Variants in CSMD2 observed in about 807,000 individuals in gnomAD.
CSMD2 encodes CUB and Sushi multiple domains 2, also known as CUB and sushi domain-containing protein 2.
A neutral mutation model predicts 398.5 loss-of-function variants in CSMD2; 130 were observed. The observed-to-expected ratio is 0.33, with a 90% CI of 0.28 to 0.38. The LOEUF is 0.38. Ranked by LOEUF, CSMD2 falls within the 10% of genes least tolerant of loss-of-function variation. CSMD2 has a pLI of 1.00. For missense variants in CSMD2, 3,829 were observed against 4,764.9 expected (o/e 0.80, Z 5.78); for synonymous variants, 1,828 against 1,908.5 (o/e 0.96, Z 1.10).
chr1:34,090,376 T>C (rs1487341590), intron 1 of CSMD2, among the ~76,000 whole-genome samples: 1 of 152,282 alleles, frequency 6.6e-6, no homozygotes, highest in East Asian at 1.9e-4. Flanking sequence ...CCTTTCAGTC[T>C]CCGTGCCAAG....
chr1:34,096,272 G>C (rs1466361356), intron 1 of CSMD2, among the ~76,000 whole-genome samples: 1 of 151,610 alleles, frequency 6.6e-6, no homozygotes, highest in Non-Finnish European at 1.5e-5. Context: ...AAAATAATAA[G>C]AGCTATCTAT....
intron 2 of CSMD2, among the ~76,000 whole-genome samples, chr1:34,079,873 T>C (rs1019231390): frequency 1.3e-4 from 20 of 152,218 alleles, no homozygotes; most frequent in African/African-American, 4.8e-4. Flanking sequence ...ATAGAAAGCA[T>C]TAAGTATAAT....
chr1:33,535,823 A>C (rs1279843279), intron 62 of CSMD2, among the ~76,000 whole-genome samples: 2 of 152,212 alleles, frequency 1.3e-5, no homozygotes, highest in Non-Finnish European at 2.9e-5. Flanking sequence ...CCTGCTCTGC[A>C]CAGGGCTAGC....
chr1:33,938,957 G>T (rs1339422153), intron 3 of CSMD2, among the ~76,000 whole-genome samples: 1 of 151,676 alleles, frequency 6.6e-6, no homozygotes, highest in African/African-American at 2.4e-5. Flanking sequence ...ATCCCATGCT[G>T]CTGGCTTAGT....
intron 49 of CSMD2, 49 bp from the exon 50 acceptor site, chr1:33,572,740 C>G (rs373684291): frequency 2.1e-6 from 3 of 1,454,814 alleles, no homozygotes; most frequent in Non-Finnish European, 2.8e-6. Context: ...AGATGGTATT[C>G]TGAGAAACTA....
intron 55 of CSMD2, among the ~76,000 whole-genome samples, chr1:33,552,004 C>A (rs1657490113): frequency 6.6e-6 from 1 of 152,162 alleles, no homozygotes; most frequent in African/African-American, 2.4e-5. Context: ...CTCGGATCTT[C>A]TAGGCCCACC....
At chr1:33,727,922 C>CCATT (rs1646592235) in intron 15 of CSMD2, among the ~76,000 whole-genome samples, 1 of 152,158 alleles carries the variant, frequency 6.6e-6, no homozygotes, top group Admixed American at 6.5e-5. Flanking sequence ...ATCACCACTG[C>CCATT]CATTGACTGG....
intron 13 of CSMD2, among the ~76,000 whole-genome samples, chr1:33,765,842 A>T (rs1650417327): frequency 1.3e-5 from 2 of 152,258 alleles, no homozygotes; most frequent in African/African-American, 4.8e-5. Context: ...CCAACACCTC[A>T]GTAGCCACAT....
At chr1:33,520,675 A>T (rs1239465654) in intron 68 of CSMD2, among the ~76,000 whole-genome samples, 12 of 152,186 alleles carry the variant, frequency 7.9e-5, no homozygotes, top group Admixed American at 7.9e-4. Context: ...GTGGGTGGGA[A>T]AGGGTGGGAG....
intron 7 of CSMD2, among the ~76,000 whole-genome samples, chr1:33,823,854 G>T (rs1224127427): frequency 1.3e-5 from 2 of 152,098 alleles, no homozygotes; most frequent in Admixed American, 6.5e-5. Flanking sequence ...ATTAGAACAG[G>T]GTTTCTCTTT....
chr1:33,569,450 T>A lies in CSMD2; in HGVS notation c.8055A>T (p.Gly2685=), dbSNP rs780007224. 1.2e-6 allele frequency: 2 copies of A among 1,613,984 alleles called. No homozygotes were observed. The highest frequency in any genetic ancestry group is 2.2e-5 in the East Asian group (1 of 44,888). The change falls in exon 52 of 71, where the codon GGA becomes GGT. Residue 2685 remains glycine, a synonymous_variant. Transcript: ENST00000373381. ...GCACCCTGGAGCCCACCAGTGTGTA[T>A]CCGGAATTGCAGGAGAAGATGGCTG... The part of the protein sequence containing the change: ...GATAIFSCNS[G]YTLVGSRVRE...
intron 3 of CSMD2, among the ~76,000 whole-genome samples, chr1:34,004,463 T>C (rs543464742): frequency 1.3e-5 from 2 of 152,132 alleles, no homozygotes; most frequent in African/African-American, 4.8e-5. Context: ...CAAGGTTTTT[T>C]TTTGTTTGTT....
intron 2 of CSMD2, among the ~76,000 whole-genome samples, chr1:34,081,052 G>T (rs1373306136): frequency 1.3e-5 from 2 of 152,098 alleles, no homozygotes; most frequent in Admixed American, 1.3e-4. Flanking sequence ...GGAAAACAGT[G>T]TACAACCTTA....
intron 29 of CSMD2, among the ~76,000 whole-genome samples, chr1:33,644,888 C>T (rs1329627843): frequency 6.6e-6 from 1 of 152,120 alleles, no homozygotes; most frequent in Non-Finnish European, 1.5e-5. Context: ...GCAGAATATC[C>T]ATTGCCTAGG....
chr1:33,636,098 G>C lies in CSMD2; in HGVS notation c.4969+262C>G, dbSNP rs1460747442. ...GTGAGCTCCCTGATGTGGCATGTCTGGGGGCCTCTGTTGAGGGCATGAGCA... is the reference window on the plus strand; with the variant it reads ...GTGAGCTCCCTGATGTGGCATGTCTCGGGGCCTCTGTTGAGGGCATGAGCA... On this transcript the variant is annotated intron_variant, in intron 30 of 70. Transcript: ENST00000373381. The surrounding 1 kb of genome is among the most constrained non-coding windows in gnomAD (Gnocchi z 4.8). Among the ~76,000 whole-genome samples, 1 of 152,148 alleles carries C rather than the reference G, an allele frequency of 6.6e-6. No individual in the cohort carries two copies. The highest frequency in any genetic ancestry group is 1.5e-5 in the Non-Finnish European group (1 of 68,022).
At chr1:33,908,049 G>A (rs1643213288) in intron 5 of CSMD2, among the ~76,000 whole-genome samples, 1 of 129,912 alleles carries the variant, frequency 7.7e-6, no homozygotes, top group South Asian at 2.4e-4. Context: ...TTGTGACATT[G>A]CACTCCAGCC....
chr1:33,602,568 C>T (rs766685069), intron 42 of CSMD2, 22 bp from the exon 43 acceptor site: 40 of 1,565,968 alleles, frequency 2.6e-5, no homozygotes, highest in East Asian at 1.1e-4. Context: ...GGAACACAAA[C>T]GTAAGTGCAG....
rs1362266716 is a variant in CSMD2, at chr1:34,163,438, C to T, written c.187+1473G>A. On this transcript the variant is annotated intron_variant, in intron 1 of 70. Transcript: ENST00000373381. This position sits in a 1 kb window ranked among gnomAD's most constrained non-coding sequence, Gnocchi z 5.4. ...TGAGAGAGCCAGAGCTGGCTCGGGG[C>T]GCCCTCCCTGACCAAGAACCCCAAC... is the stretch of plus-strand genomic sequence containing the variant. 1.3e-5 allele frequency among the ~76,000 whole-genome samples: 2 copies of T among 152,138 alleles called. No individual in the cohort carries two copies. The highest frequency in any genetic ancestry group is 2.9e-5 in the Non-Finnish European group (2 of 68,032).
Position 33,571,546 on chromosome 1 carries a change from G to A in CSMD2, c.7943C>T (p.Thr2648Met), listed in dbSNP as rs766108599. 18 of 1,487,246 alleles carry A rather than the reference G, an allele frequency of 1.2e-5. No individual in the cohort carries two copies. The highest frequency in any genetic ancestry group is 2.2e-4 in the Middle Eastern group (1 of 4,456). 92.1% of individuals were successfully genotyped at this position (1,487,246 alleles called of 1,614,324 possible). A position where few individuals can be genotyped will look rare whatever the true frequency, so the allele number is the denominator to read the frequency against. ...ANGKWSLGDS[T>M]PTCRIISCGE... ...CCTGGGCTTACTTCGGCAGGTGGGC[G>A]TAGAGTCCCCGAGGCTCCATTTGCC... The change falls in exon 51 of 71, where the codon ACG becomes ATG. Residue 2648 changes from threonine (T) to methionine (M), a missense_variant. Transcript: ENST00000373381.
Sources: gnomAD v4.1 joint callset for allele counts (sites outside exome capture counted in the v4.1 genomes callset) on GRCh38, gnomAD v4.1.1 for gene constraint, Gnocchi (gnomAD v3.1) non-coding constraint, MANE v1.5 for transcripts, NCBI Gene and HGNC (gene_info 2026-07-23, HGNC 2026-07-21) for gene names.